CWC27: variants seen among roughly 807,000 people sequenced by gnomAD.
CWC27 encodes CWC27 spliceosome associated cyclophilin, also known as spliceosome-associated protein CWC27 homolog.
Under a neutral mutation model 63.6 loss-of-function variants are expected in CWC27, and 47 were observed. That is an observed-to-expected ratio of 0.74 (90% confidence interval 0.58 to 0.94). The LOEUF is 0.94. CWC27 is among the 40% of genes least tolerant of loss of function. The probability of loss-of-function intolerance (pLI) is 0.00; values close to 1 mark genes in which losing one functional copy is unlikely to be tolerated. For synonymous variants in CWC27, 175 were observed against 179.8 expected (o/e 0.97, Z 0.22); for missense variants, 495 against 554.3 (o/e 0.89, Z 1.07).
chr5:64,966,644 CA>C (rs1190401460), intron 11 of CWC27, among the ~76,000 whole-genome samples: 2 of 152,086 alleles, frequency 1.3e-5, no homozygotes, highest in Non-Finnish European at 2.9e-5. Context: ...CTAAAGATGC[CA>C]TGCTCACTGG....
intron 13 of CWC27, among the ~76,000 whole-genome samples, chr5:65,007,730 C>T (rs1445424336): frequency 1.3e-5 from 2 of 151,436 alleles, no homozygotes; most frequent in Non-Finnish European, 2.9e-5. Flanking sequence ...CGGATTCACG[C>T]CATTCTCCTG....
intron 10 of CWC27, among the ~76,000 whole-genome samples, chr5:64,874,502 T>C (rs577261831): frequency 6.6e-6 from 1 of 152,082 alleles, no homozygotes; most frequent in African/African-American, 2.4e-5. Context: ...AGTCTTGCCC[T>C]GTCACCCAGG....
chr5:64,802,027 G>T (rs564553971), intron 9 of CWC27, among the ~76,000 whole-genome samples: 4 of 152,146 alleles, frequency 2.6e-5, no homozygotes, highest in Non-Finnish European at 5.9e-5. Context: ...ATGAATATCT[G>T]ACCTTGTCAA....
intron 10 of CWC27, among the ~76,000 whole-genome samples, chr5:64,823,234 A>C (rs1389697643): frequency 1.3e-5 from 2 of 152,240 alleles, no homozygotes; most frequent in Non-Finnish European, 2.9e-5. Context: ...TAAAGTTGAA[A>C]GTACCATTGA....
intron 10 of CWC27, among the ~76,000 whole-genome samples, chr5:64,813,439 A>G (rs1407679669): frequency 1.3e-5 from 2 of 152,154 alleles, no homozygotes; most frequent in Non-Finnish European, 2.9e-5. Flanking sequence ...AAATATGACA[A>G]CCCTACTGTT....
chr5:64,799,741 A>T (rs1744420934), intron 7 of CWC27, among the ~76,000 whole-genome samples: 1 of 152,026 alleles, frequency 6.6e-6, no homozygotes, highest in South Asian at 2.1e-4. Context: ...GTCACTGATA[A>T]ATATTCTCAT....
At chr5:64,865,583 A>G (rs1221564815) in intron 10 of CWC27, among the ~76,000 whole-genome samples, 3 of 152,120 alleles carry the variant, frequency 2.0e-5, no homozygotes, top group South Asian at 2.1e-4. Flanking sequence ...TGATTGAATC[A>G]TTGGTTAATT....
chr5:64,768,927 G>T (rs1743133701), upstream of CWC27: 2 of 581,234 alleles, frequency 3.4e-6, no homozygotes, highest in African/African-American at 1.9e-5. Flanking sequence ...CCTTCTCAGG[G>T]TTAGCGGTGC....
At chr5:65,008,089 G>T (rs1749884081) in intron 13 of CWC27, among the ~76,000 whole-genome samples, 1 of 152,154 alleles carries the variant, frequency 6.6e-6, no homozygotes, top group Non-Finnish European at 1.5e-5. Context: ...GAATTTTGCA[G>T]GAACACAATT....
At chr5:64,771,881 G>A (rs964638309) in intron 1 of CWC27, among the ~76,000 whole-genome samples, 14 of 152,090 alleles carry the variant, frequency 9.2e-5, no homozygotes, top group African/African-American at 3.1e-4. Flanking sequence ...GAGCAAAGTG[G>A]CCCGATTATA....
At chr5:64,826,701 TTG>T (rs1369723911) in intron 10 of CWC27, among the ~76,000 whole-genome samples, 8 of 146,640 alleles carry the variant, frequency 5.5e-5, no homozygotes, top group African/African-American at 2.1e-4. Context: ...TGGTGTTTTT[TTG>T]TTTTTTTTTT....
At chr5:64,959,334 G>GA (rs984582999) in intron 11 of CWC27, among the ~76,000 whole-genome samples, 1 of 152,086 alleles carries the variant, frequency 6.6e-6, no homozygotes. Context: ...TTGTAATAAT[G>GA]AAAAAATGAT....
chr5:64,869,163 C>T (rs1056150393), intron 10 of CWC27, among the ~76,000 whole-genome samples: 2 of 151,924 alleles, frequency 1.3e-5, no homozygotes, highest in African/African-American at 4.8e-5. Context: ...AATACTGAAA[C>T]TTGCCATGTA....
rs565798929 is a variant in CWC27 at position 64,940,806 on chromosome 5, G to T, written c.1043-30897G>T. ...TTATTTCATTTTTACTTGGCCAGTG[G>T]GAGCTCCTTGAAGCTGGCTTTTTCT... is the stretch of plus-strand genomic sequence containing the variant. On this transcript the variant is annotated intron_variant, in intron 11 of 13. Transcript: ENST00000381070. Among the ~76,000 whole-genome samples the T allele has an allele frequency of 2.7e-5, 4 of 149,758 alleles. No homozygotes were observed. The South Asian group carries it at 8.5e-4, about 32-fold the overall frequency.
At chr5:64,794,411 G>T (rs1227712548) in intron 7 of CWC27, among the ~76,000 whole-genome samples, 7 of 152,088 alleles carry the variant, frequency 4.6e-5, no homozygotes, top group African/African-American at 1.7e-4. Flanking sequence ...AATAAAATCA[G>T]CTGAATAGGT....
intron 5 of CWC27, among the ~76,000 whole-genome samples, chr5:64,786,198 A>G (rs574164794): frequency 6.2e-4 from 94 of 150,700 alleles, no homozygotes; most frequent in African/African-American, 2.2e-3. Context: ...ATGACCCTTC[A>G]TTGAGGAAGC....
intron 10 of CWC27, among the ~76,000 whole-genome samples, chr5:64,817,361 A>G (rs1184378795): frequency 2.0e-5 from 3 of 152,128 alleles, no homozygotes. Flanking sequence ...CTAAAGACAA[A>G]TTTATAAAAT....
intron 11 of CWC27, among the ~76,000 whole-genome samples, chr5:64,915,983 C>T (rs1747880264): frequency 6.6e-6 from 1 of 152,144 alleles, no homozygotes. Flanking sequence ...TGTTCATCTG[C>T]TACTCTGGAA....
chr5:64,984,395 C>T (rs548864590), intron 13 of CWC27, among the ~76,000 whole-genome samples: 1 of 152,268 alleles, frequency 6.6e-6, no homozygotes, highest in South Asian at 2.1e-4. Context: ...AGATCTGTCC[C>T]ATGGAAAACA....
Sources: gnomAD v4.1 joint callset for allele counts (sites outside exome capture counted in the v4.1 genomes callset) on GRCh38, gnomAD v4.1.1 for gene constraint, MANE v1.5 for transcripts, NCBI Gene and HGNC (gene_info 2026-07-23, HGNC 2026-07-21) for gene names.